TMEM178B: variants seen among roughly 807,000 people sequenced by gnomAD.
TMEM178B encodes transmembrane protein 178B.
In TMEM178B, 5 loss-of-function variants were observed where a neutral mutation model predicts 31.0. The ratio of observed to expected loss-of-function variants is 0.16; its 90% CI spans 0.08 to 0.34. TMEM178B has a LOEUF of 0.34. TMEM178B is among the 10% of genes least tolerant of loss of function. The pLI is 1.00. For synonymous variants in TMEM178B, 164 were observed against 164.0 expected (o/e 1.00, Z 0.00); for missense variants, 275 against 400.3 (o/e 0.69, Z 2.67).
chr7:141,374,814 A>C lies in TMEM178B; in HGVS notation c.497-62794A>C, dbSNP rs1486835113. Among the ~76,000 whole-genome samples, 4 of 152,230 alleles carry C rather than the reference A, an allele frequency of 2.6e-5. No homozygotes were observed. In the South Asian group the frequency reaches 6.2e-4, roughly 24 times the overall value. On this transcript the variant is annotated intron_variant, in intron 2 of 3. Coordinates refer to ENST00000565468, the MANE Select transcript of TMEM178B (RefSeq NM_001195278.2). ...ACTAAATTTGTGAAAATTTAATCTG[A>C]TAGATGAGATCATTACTGGAGACCT...
At chr7:141,278,328 T>C (rs967952610) in intron 2 of TMEM178B, among the ~76,000 whole-genome samples, 3 of 152,172 alleles carry the variant, frequency 2.0e-5, no homozygotes, top group Admixed American at 6.5e-5. Context: ...GCACCTGTAG[T>C]CCCAACACTT....
At chr7:141,119,740 G>A (rs1259711178) in intron 1 of TMEM178B, among the ~76,000 whole-genome samples, 1 of 152,176 alleles carries the variant, frequency 6.6e-6, no homozygotes, top group Non-Finnish European at 1.5e-5. Context: ...GGTTATGTCG[G>A]TTGAGAGAAG....
intron 1 of TMEM178B, among the ~76,000 whole-genome samples, chr7:141,177,207 G>C (rs12536232): frequency 0.099 from 15,040 of 152,112 alleles, 1,009 homozygotes; most frequent in Non-Finnish European, 0.14. Flanking sequence ...ATTTACCCAG[G>C]AGTTATTCAG....
chr7:141,393,423 AGTT>A (rs2116607835), intron 2 of TMEM178B, among the ~76,000 whole-genome samples: 1 of 152,316 alleles, frequency 6.6e-6, no homozygotes, highest in Admixed American at 6.5e-5. Context: ...AAAGTGTAGC[AGTT>A]GTTCAAATTA....
chr7:141,387,500 AAAC>A (rs1800454970), intron 2 of TMEM178B, among the ~76,000 whole-genome samples: 1 of 152,196 alleles, frequency 6.6e-6, no homozygotes, highest in Admixed American at 6.5e-5. Flanking sequence ...GTAAATTACA[AAAC>A]AACATTTTGT....
intron 2 of TMEM178B, among the ~76,000 whole-genome samples, chr7:141,366,002 C>T (rs937748442): frequency 6.6e-6 from 1 of 152,190 alleles, no homozygotes; most frequent in African/African-American, 2.4e-5. Flanking sequence ...CCTCTCCCAT[C>T]TCTTGGAGCA....
intron 2 of TMEM178B, among the ~76,000 whole-genome samples, chr7:141,404,524 C>T (rs976269954): frequency 2.6e-5 from 4 of 152,152 alleles, no homozygotes; most frequent in South Asian, 2.1e-4. Context: ...TTGCTCTTCA[C>T]GTGATCCTCT....
At chr7:141,220,680 G>T (rs1404379245) in intron 2 of TMEM178B, among the ~76,000 whole-genome samples, 1 of 152,216 alleles carries the variant, frequency 6.6e-6, no homozygotes, top group African/African-American at 2.4e-5. Flanking sequence ...GTCCAATTTT[G>T]TGCTGGGAAT....
the TMEM178B span, among the ~76,000 whole-genome samples, chr7:141,502,246 C>T: frequency 6.6e-6 from 1 of 151,844 alleles, no homozygotes; most frequent in Non-Finnish European, 1.5e-5. Context: ...TCCTTTCCAC[C>T]TCTCCCAGTC....
chr7:141,272,969 T>C (rs984426021), intron 2 of TMEM178B, among the ~76,000 whole-genome samples: 13 of 152,344 alleles, frequency 8.5e-5, no homozygotes, highest in Admixed American at 4.6e-4. Flanking sequence ...GGAATCAACC[T>C]CTGTCCATCA....
At position 141,278,348 on chromosome 7, in the gene TMEM178B, G is replaced by A. The variant is rs368540182; in HGVS notation, c.496+65644G>A. ...TGTAGTCCCAACACTTTGGGAGGCC[G>A]AGGCCAGTAGATCACTTGAGGTTAG... On this transcript the variant is annotated intron_variant, in intron 2 of 3. Coordinates refer to ENST00000565468, the MANE Select transcript of TMEM178B (RefSeq NM_001195278.2). Among the ~76,000 whole-genome samples the A allele has an allele frequency of 7.9e-5, 12 of 152,302 alleles. No homozygotes were observed. In the South Asian group the frequency reaches 1.0e-3, roughly 13 times the overall value.
chr7:141,463,807 A>AG (rs951103679), intron 3 of TMEM178B, among the ~76,000 whole-genome samples: 5 of 151,584 alleles, frequency 3.3e-5, no homozygotes, highest in African/African-American at 1.2e-4. Context: ...GGATGGTGGG[A>AG]GTCAGGGTGA....
At chr7:141,179,844 T>C (rs12703353) in intron 1 of TMEM178B, among the ~76,000 whole-genome samples, 111,962 of 151,958 alleles carry the variant, frequency 0.74, 41,924 homozygotes, top group African/African-American at 0.85. Flanking sequence ...CCCATTTAGT[T>C]CTTAATGCAC....
intron 2 of TMEM178B, among the ~76,000 whole-genome samples, chr7:141,267,172 C>T (rs186437939): frequency 2.0e-3 from 299 of 152,346 alleles, no homozygotes; most frequent in African/African-American, 6.8e-3. Context: ...AGCCAACGAG[C>T]GAAGCTCTGT....
intron 2 of TMEM178B, among the ~76,000 whole-genome samples, chr7:141,287,472 A>T (rs562475510): frequency 6.6e-6 from 1 of 152,326 alleles, no homozygotes; most frequent in Admixed American, 6.5e-5. Context: ...CTAGCAGCGT[A>T]GTTGTCCCTC....
At chr7:141,238,141 C>G (rs1797559547) in intron 2 of TMEM178B, among the ~76,000 whole-genome samples, 1 of 152,014 alleles carries the variant, frequency 6.6e-6, no homozygotes, top group Non-Finnish European at 1.5e-5. Flanking sequence ...AGTGGAGGCT[C>G]ATGCTCAGGA....
intron 1 of TMEM178B, among the ~76,000 whole-genome samples, chr7:141,173,676 G>A (rs762902574): frequency 2.0e-5 from 3 of 152,194 alleles, no homozygotes; most frequent in Non-Finnish European, 4.4e-5. Flanking sequence ...GTCTGAATTT[G>A]TGTTGAGGGA....
intron 2 of TMEM178B, among the ~76,000 whole-genome samples, chr7:141,392,661 T>C (rs1800564810): frequency 6.6e-6 from 1 of 152,112 alleles, no homozygotes; most frequent in Non-Finnish European, 1.5e-5. Context: ...GGTTTCTTTT[T>C]CCAAACCGGA....
intron 2 of TMEM178B, among the ~76,000 whole-genome samples, chr7:141,330,412 A>G (rs899006857): frequency 6.6e-6 from 1 of 152,168 alleles, no homozygotes; most frequent in Non-Finnish European, 1.5e-5. Flanking sequence ...TACCGAGGAT[A>G]ATGACTTCCG....
Sources: allele counts gnomAD v4.1 joint callset (sites outside exome capture counted in the v4.1 genomes callset), GRCh38; gene constraint gnomAD v4.1.1; transcripts MANE v1.5; gene names NCBI Gene and HGNC (gene_info 2026-07-23, HGNC 2026-07-21).